The following FRMD5 variants were observed in gnomAD, a reference collection of about 807,000 sequenced individuals.
FRMD5 encodes FERM domain containing 5.
Under a neutral mutation model 69.0 loss-of-function variants are expected in FRMD5, and 20 were observed. The ratio of observed to expected loss-of-function variants is 0.29; its 90% CI spans 0.20 to 0.42. FRMD5 has a LOEUF of 0.42. FRMD5 is among the 10% of genes least tolerant of loss of function. FRMD5 has a pLI of 1.00. For synonymous variants in FRMD5, 271 were observed against 260.1 expected (o/e 1.04, Z -0.40); for missense variants, 595 against 708.6 (o/e 0.84, Z 1.82).
Position 43,872,184 on chromosome 15 carries a change from C to G in FRMD5, c.*1701G>C, listed in dbSNP as rs983664925. On this transcript the variant is annotated 3_prime_UTR_variant, in exon 14 of 14. Coordinates refer to ENST00000417257, the MANE Select transcript of FRMD5 (RefSeq NM_032892.5). ...TGACATAAGTTGATTGACCTCTGGT[C>G]CAGATGAAAGGATGTCTTTAAAATT... 3 of 152,028 alleles carry G rather than the reference C, an allele frequency of 2.0e-5. No individual in the cohort carries two copies. Among genetic ancestry groups the G allele is most frequent in the Non-Finnish European group, 4.4e-5 (3 of 68,010 alleles). The allele number at this position is 152,028 out of a possible 1,614,324, so 9.4% of individuals were successfully genotyped here. A position where few individuals can be genotyped will look rare whatever the true frequency, so the allele number is the denominator to read the frequency against.
In FRMD5 at chr15:43,872,981, C is replaced by T. The variant is rs77660540; in HGVS notation, c.*904G>A. The T allele has an allele frequency of 6.3e-3, 3,576 of 565,900 alleles. 99 individuals carry two copies. The highest frequency in any genetic ancestry group is 0.06 in the African/African-American group (3,235 of 53,516). The allele number at this position is 565,900 out of a possible 1,614,324, so 35.1% of individuals were successfully genotyped here. ...CTCAGGTAACTTAACTCTGCTTTCT[C>T]TTAACTACACTTTGTCCAACATTTC... On this transcript the variant is annotated 3_prime_UTR_variant, in exon 14 of 14. Coordinates refer to ENST00000417257, the MANE Select transcript of FRMD5 (RefSeq NM_032892.5).
chr15:44,171,153 A>T (rs1364921537), intron 1 of FRMD5, among the ~76,000 whole-genome samples: 1 of 152,242 alleles, frequency 6.6e-6, no homozygotes, highest in Non-Finnish European at 1.5e-5. Context: ...TACTTTTCTT[A>T]AAGTATGTGT....
chr15:44,012,688 A>G (rs1369223272), intron 1 of FRMD5, among the ~76,000 whole-genome samples: 1 of 152,134 alleles, frequency 6.6e-6, no homozygotes, highest in Admixed American at 6.6e-5. Flanking sequence ...TGCAGGGTAC[A>G]TAAGTATAAT....
intron 8 of FRMD5, among the ~76,000 whole-genome samples, chr15:43,890,545 A>G (rs1453226149): frequency 6.6e-6 from 1 of 152,218 alleles, no homozygotes; most frequent in African/African-American, 2.4e-5. Context: ...GCCCAGATGT[A>G]TCCAGGCAGC....
At chr15:44,152,728 A>ACTGACCAT (rs1157021966) in intron 1 of FRMD5, among the ~76,000 whole-genome samples, 2 of 152,224 alleles carry the variant, frequency 1.3e-5, no homozygotes, top group African/African-American at 4.8e-5. Context: ...ACATACATTT[A>ACTGACCAT]CTGACCATCT....
At chr15:43,925,218 T>C (rs1026088942) in intron 1 of FRMD5, among the ~76,000 whole-genome samples, 3 of 152,154 alleles carry the variant, frequency 2.0e-5, no homozygotes, top group South Asian at 2.1e-4. Context: ...TTGGTCAGGC[T>C]GGTCTCTAAC....
chr15:43,939,736 T>C (rs996841646), intron 1 of FRMD5, among the ~76,000 whole-genome samples: 2 of 152,110 alleles, frequency 1.3e-5, no homozygotes, highest in African/African-American at 4.8e-5. Flanking sequence ...GTTGGTTTGT[T>C]TTTTTGTAGA....
intron 5 of FRMD5, among the ~76,000 whole-genome samples, chr15:43,906,401 C>T (rs1020255602): frequency 6.6e-6 from 1 of 152,150 alleles, no homozygotes; most frequent in Non-Finnish European, 1.5e-5. Context: ...AGGATGTTAG[C>T]AGGGACACAG....
intron 1 of FRMD5, among the ~76,000 whole-genome samples, chr15:43,943,311 C>G (rs933231914): frequency 3.3e-5 from 5 of 152,160 alleles, no homozygotes; most frequent in Non-Finnish European, 7.3e-5. Context: ...AACTCCTAGA[C>G]TCAAGTGATC....
intron 1 of FRMD5, among the ~76,000 whole-genome samples, chr15:43,995,692 G>T (rs748542970): frequency 2.0e-5 from 3 of 151,922 alleles, no homozygotes; most frequent in Non-Finnish European, 2.9e-5. Context: ...CTGGTCTGGA[G>T]CCTGGGATCA....
At chr15:44,098,908 A>T (rs1338832703) in intron 1 of FRMD5, among the ~76,000 whole-genome samples, 1 of 152,244 alleles carries the variant, frequency 6.6e-6, no homozygotes, top group Non-Finnish European at 1.5e-5. Flanking sequence ...ATATAAAGAT[A>T]ATTGATTTGC....
At chr15:44,097,435 A>G (rs1566944392) in intron 1 of FRMD5, among the ~76,000 whole-genome samples, 1 of 152,220 alleles carries the variant, frequency 6.6e-6, no homozygotes, top group Non-Finnish European at 1.5e-5. Context: ...CCTTAGAATG[A>G]CATGGCTATG....
intron 4 of FRMD5, among the ~76,000 whole-genome samples, chr15:43,910,683 T>C (rs1169761764): frequency 6.6e-6 from 1 of 151,834 alleles, no homozygotes; most frequent in African/African-American, 2.4e-5. Context: ...CAGAAAGCTG[T>C]TGCCTCAGGT....
chr15:44,128,689 T>G (rs1030834487), intron 1 of FRMD5, among the ~76,000 whole-genome samples: 1 of 152,070 alleles, frequency 6.6e-6, no homozygotes, highest in African/African-American at 2.4e-5. Flanking sequence ...AGTCATACAG[T>G]AAATAATATG....
intron 1 of FRMD5, among the ~76,000 whole-genome samples, chr15:44,165,681 C>T (rs574073152): frequency 5.3e-5 from 8 of 151,914 alleles, no homozygotes; most frequent in African/African-American, 1.9e-4. Context: ...ACAAAAAATA[C>T]AAAAATTAGC....
chr15:43,888,105 G>A, intron 10 of FRMD5, 70 bp downstream of exon 10: 1 of 1,227,666 alleles, frequency 8.1e-7, no homozygotes, highest in Non-Finnish European at 1.2e-6. Flanking sequence ...TGGGCACTTG[G>A]CCTCCTGTCA....
At chr15:44,064,455 T>A (rs949957603) in intron 1 of FRMD5, 2 of 152,706 alleles carry the variant, frequency 1.3e-5, no homozygotes, top group African/African-American at 4.8e-5. Context: ...CTGGGCGTGG[T>A]GGCGCATGCC....
chr15:44,095,102 T>C (rs920691935), intron 1 of FRMD5, among the ~76,000 whole-genome samples: 7 of 151,898 alleles, frequency 4.6e-5, no homozygotes, highest in Non-Finnish European at 1.0e-4. Context: ...TTTGAAAACA[T>C]ACAGATTCCA....
chr15:43,962,125 G>C (rs1280537166), intron 1 of FRMD5, among the ~76,000 whole-genome samples: 1 of 152,180 alleles, frequency 6.6e-6, no homozygotes, highest in East Asian at 1.9e-4. Context: ...GTCCCTGTTT[G>C]CAGATGACAT....
Sources: allele counts gnomAD v4.1 joint callset (sites outside exome capture counted in the v4.1 genomes callset), GRCh38; gene constraint gnomAD v4.1.1; transcripts MANE v1.5; gene names NCBI Gene and HGNC (gene_info 2026-07-23, HGNC 2026-07-21).